MGAT4C: variants seen among roughly 807,000 people sequenced by gnomAD.
MGAT4C encodes the protein MGAT4 family member C, also known as alpha-1,3-mannosyl-glycoprotein 4-beta-N-acetylglucosaminyltransferase C.
A neutral mutation model predicts 40.1 loss-of-function variants in MGAT4C; 19 were observed. The observed-to-expected ratio is 0.47, with a 90% CI of 0.33 to 0.70. MGAT4C has a LOEUF of 0.70. Ranked by LOEUF, MGAT4C falls within the 30% of genes least tolerant of loss-of-function variation. The pLI, the probability that MGAT4C is intolerant of heterozygous loss-of-function variation, is 0.02. For missense variants in MGAT4C, 491 were observed against 563.2 expected (o/e 0.87, Z 1.30); for synonymous variants, 181 against 187.1 (o/e 0.97, Z 0.27).
intron 2 of MGAT4C, among the ~76,000 whole-genome samples, chr12:86,694,744 G>T (rs1328742473): frequency 1.3e-5 from 2 of 152,092 alleles, no homozygotes; most frequent in Admixed American, 1.3e-4. Flanking sequence ...CTTTCACCAT[G>T]TACAAAAATC....
intron 1 of MGAT4C, among the ~76,000 whole-genome samples, chr12:86,218,056 T>A (rs1023877351): frequency 6.6e-6 from 1 of 152,112 alleles, no homozygotes; most frequent in African/African-American, 2.4e-5. Flanking sequence ...AGAACTTTTT[T>A]TTTGGAGCAT....
intron 4 of MGAT4C, among the ~76,000 whole-genome samples, chr12:86,275,944 C>CAA (rs748476574): frequency 0.3 from 20,322 of 68,676 alleles, 4,542 homozygotes; most frequent in East Asian, 0.35. Flanking sequence ...ACTAAAAATC[C>CAA]AAAAAAAAAA....
intron 4 of MGAT4C, among the ~76,000 whole-genome samples, chr12:86,288,089 T>C (rs1202781322): frequency 6.6e-6 from 1 of 152,224 alleles, no homozygotes; most frequent in Non-Finnish European, 1.5e-5. Flanking sequence ...TTTGGATTTC[T>C]CTAATGACCA....
chr12:86,208,347 A>G (rs543895764), intron 1 of MGAT4C, among the ~76,000 whole-genome samples: 1 of 152,234 alleles, frequency 6.6e-6, no homozygotes, highest in South Asian at 2.1e-4. Flanking sequence ...TGCGCCTGTA[A>G]TCCCAGCTAC....
intron 4 of MGAT4C, among the ~76,000 whole-genome samples, chr12:86,274,369 T>C (rs1456634628): frequency 2.0e-5 from 3 of 152,140 alleles, no homozygotes; most frequent in Admixed American, 1.3e-4. Flanking sequence ...GTGGATATCA[T>C]CTAAATAATT....
At chr12:85,997,712 C>A (rs1886788998) in intron 2 of MGAT4C, among the ~76,000 whole-genome samples, 1 of 152,216 alleles carries the variant, frequency 6.6e-6, no homozygotes. Flanking sequence ...CCAGGTCATG[C>A]TGATGCAAAA....
chr12:86,332,879 C>G lies in MGAT4C; in HGVS notation c.-57+1186G>C, dbSNP rs1194289612. 2.0e-5 allele frequency among the ~76,000 whole-genome samples: 3 copies of G among 152,110 alleles called. No individual in the cohort carries two copies. In the South Asian group the frequency reaches 6.2e-4, roughly 32 times the overall value. On this transcript the variant is annotated intron_variant, in intron 4 of 7. Coordinates refer to the MGAT4C transcript ENST00000548651. ...ATTAACATTTTTTTTGTTACAAACA[C>G]TTGCATATTAAGTGATAGTCAAGTT... is the stretch of plus-strand genomic sequence containing the variant.
At chr12:86,353,566 T>G (rs1955229341) in intron 3 of MGAT4C, among the ~76,000 whole-genome samples, 1 of 152,060 alleles carries the variant, frequency 6.6e-6, no homozygotes, top group African/African-American at 2.4e-5. Context: ...GAGAGGAAAT[T>G]TTCATGTCTT....
Position 85,957,679 on chromosome 12 carries a change from A to AAAAAAAAAAAAAAAAAAGAAAAG in MGAT4C, c.*21609_*21610insCTTTTCTTTTTTTTTTTTTTTTT. On this transcript the variant is annotated 3_prime_UTR_variant, in exon 5 of 5. Transcript: ENST00000611864. The stretch of plus-strand genomic sequence containing the variant: ...AAGCAAAAAAAAAAAAAAAAGAAAA[A>AAAAAAAAAAAAAAAAAAGAAAAG]AGAAAAAAAAAATCTATCAATCCTG... 6.7e-6 allele frequency: 1 copy of AAAAAAAAAAAAAAAAAAGAAAAG among 149,848 alleles called. No homozygotes were observed. The highest frequency in any genetic ancestry group is 1.5e-5 in the Non-Finnish European group (1 of 67,628). 9.3% of individuals were successfully genotyped at this position (149,848 alleles called of 1,614,324 possible). A position where few individuals can be genotyped will look rare whatever the true frequency, so the allele number is the denominator to read the frequency against.
intron 2 of MGAT4C, among the ~76,000 whole-genome samples, chr12:86,038,557 T>TTTATTTAC (rs1275130418): frequency 6.7e-6 from 1 of 148,716 alleles, no homozygotes; most frequent in Non-Finnish European, 1.5e-5. Flanking sequence ...TATTTATTTA[T>TTTATTTAC]TTATTTATTT....
intron 2 of MGAT4C, among the ~76,000 whole-genome samples, chr12:86,577,198 T>G (rs1451389213): frequency 3.3e-5 from 5 of 151,812 alleles, no homozygotes; most frequent in Non-Finnish European, 7.4e-5. Context: ...GTTCTAATAG[T>G]TTTCTTGTGT....
rs563063067 is a variant in MGAT4C at position 86,363,925 on chromosome 12, T to G, written c.-119-29798A>C. Among the ~76,000 whole-genome samples the G allele has an allele frequency of 1.4e-3, 206 of 151,778 alleles. 4 individuals carry two copies. Among genetic ancestry groups the G allele is most frequent in the African/African-American group, 4.7e-3 (194 of 41,442 alleles). On this transcript the variant is annotated intron_variant, in intron 3 of 7. Transcript: ENST00000548651. ...ACTTATAGTGAATAAACCAATTTAT[T>G]AAGAAAAAAATTACCAAATCTCTTT... is the stretch of plus-strand genomic sequence containing the variant.
At chr12:86,709,507 T>C (rs1273360176) in intron 2 of MGAT4C, among the ~76,000 whole-genome samples, 1 of 152,186 alleles carries the variant, frequency 6.6e-6, no homozygotes, top group Non-Finnish European at 1.5e-5. Context: ...TTTATATACC[T>C]AAGAAACATT....
chr12:86,538,949 C>G lies in MGAT4C; in HGVS notation c.-228-103684G>C, dbSNP rs1179754335. Among the ~76,000 whole-genome samples, 3 of 151,894 alleles carry G rather than the reference C, an allele frequency of 2.0e-5. No homozygotes were observed. The East Asian group carries it at 5.8e-4, about 29-fold the overall frequency. On this transcript the variant is annotated intron_variant, in intron 2 of 7. Transcript: ENST00000548651. ...ATATAAGGAAATAAATGTTTTGTTT[C>G]TCATAACTACTGCATATGCATAATT...
At chr12:86,821,754 T>A (rs1952710469) in intron 1 of MGAT4C, among the ~76,000 whole-genome samples, 1 of 150,914 alleles carries the variant, frequency 6.6e-6, no homozygotes, top group South Asian at 2.1e-4. Flanking sequence ...TACTTGACAT[T>A]TAGGTTTAGT....
intron 2 of MGAT4C, among the ~76,000 whole-genome samples, chr12:86,491,548 A>T: frequency 6.6e-6 from 1 of 152,132 alleles, no homozygotes; most frequent in African/African-American, 2.4e-5. Context: ...CAAAAACCAC[A>T]TGATTATCTC....
Position 86,069,844 on chromosome 12 carries a change from A to G in MGAT4C, c.-56-20121T>C, listed in dbSNP as rs141255943. ...GTTTTTTTTCCCCTCCCCACCCCCA[A>G]TATATTCTAAATAGAGCAACTAGAA... On this transcript the variant is annotated intron_variant, in intron 1 of 4. Transcript: ENST00000611864. Among the ~76,000 whole-genome samples the G allele has an allele frequency of 4.7e-3, 708 of 152,104 alleles. 5 individuals are homozygous for G. Among genetic ancestry groups the G allele is most frequent in the African/African-American group, 0.016 (663 of 41,492 alleles).
At position 86,704,508 on chromosome 12, in the gene MGAT4C, G is replaced by A. The variant is rs1156236; in HGVS notation, c.-229+22701C>T. On this transcript the variant is annotated intron_variant, in intron 2 of 7. Coordinates refer to the MGAT4C transcript ENST00000548651. ...GATCAGAAAGTAGAGGAAATGTCTC[G>A]GTTAACTTTATGTGCTCATCACTGT... 8.4e-4 allele frequency among the ~76,000 whole-genome samples: 128 copies of A among 151,784 alleles called. No individual in the cohort carries two copies. In the South Asian group the frequency reaches 0.023, roughly 27 times the overall value.
intron 1 of MGAT4C, among the ~76,000 whole-genome samples, chr12:86,233,163 G>A (rs1951398646): frequency 6.6e-6 from 1 of 152,030 alleles, no homozygotes; most frequent in African/African-American, 2.4e-5. Flanking sequence ...CTGCCCTTGT[G>A]GTGCAATGTG....
Sources: gnomAD v4.1 joint callset for allele counts (sites outside exome capture counted in the v4.1 genomes callset) on GRCh38, gnomAD v4.1.1 for gene constraint, MANE v1.5 for transcripts, NCBI Gene and HGNC (gene_info 2026-07-23, HGNC 2026-07-21) for gene names.